TYW1: variants seen among roughly 807,000 people sequenced by gnomAD.
The protein encoded by TYW1 is tRNA-yW synthesizing protein 1 homolog.
Under a neutral mutation model 96.2 loss-of-function variants are expected in TYW1, and 46 were observed. That is an observed-to-expected ratio of 0.48 (90% confidence interval 0.38 to 0.61). TYW1 has a LOEUF of 0.61. TYW1 is among the 20% of genes least tolerant of loss of function. The pLI, the probability that TYW1 is intolerant of heterozygous loss-of-function variation, is 0.00. For synonymous variants in TYW1, 274 were observed against 323.0 expected (o/e 0.85, Z 1.63); for missense variants, 684 against 909.6 (o/e 0.75, Z 3.19).
At chr7:67,170,389 C>A (rs1799480253) in intron 13 of TYW1, among the ~76,000 whole-genome samples, 1 of 152,100 alleles carries the variant, frequency 6.6e-6, no homozygotes, top group Non-Finnish European at 1.5e-5. Context: ...TCTTCTTTTT[C>A]AAATTATTTT....
At chr7:66,999,018 G>C in intron 3 of TYW1, 64 bp downstream of exon 3, 1 of 1,567,984 alleles carries the variant, frequency 6.4e-7, no homozygotes, top group South Asian at 1.1e-5. Context: ...CCCTTTAGCA[G>C]TGAACTTTAG....
At chr7:67,184,703 G>T (rs1246782107) in intron 14 of TYW1, among the ~76,000 whole-genome samples, 1 of 141,920 alleles carries the variant, frequency 7.0e-6, no homozygotes, top group East Asian at 2.0e-4. Flanking sequence ...GTTATGTTAT[G>T]TTATGTTATG....
intron 11 of TYW1, among the ~76,000 whole-genome samples, chr7:67,092,660 G>A (rs889258926): frequency 6.3e-5 from 9 of 142,976 alleles, no homozygotes; most frequent in African/African-American, 1.0e-4. Flanking sequence ...TCTTTTCCAC[G>A]TGCCTATCAC....
intron 9 of TYW1, among the ~76,000 whole-genome samples, chr7:67,058,780 A>G (rs1795608254): frequency 6.6e-6 from 1 of 151,966 alleles, no homozygotes; most frequent in Admixed American, 6.6e-5. Flanking sequence ...CTGGCCCCAT[A>G]TGTAGTTTTA....
chr7:67,107,831 G>T (rs1584569707), intron 12 of TYW1, among the ~76,000 whole-genome samples: 1 of 149,700 alleles, frequency 6.7e-6, no homozygotes. Flanking sequence ...CTCCAAAAGT[G>T]CTGGGATTAC....
Position 67,014,434 on chromosome 7 carries a change from C to T in TYW1, c.443C>T (p.Ala148Val). ...ACTGACGGCCTACCAACTGAAAGTG[C>T]AGAGTGGTTCTGCAAATGGTTAGAG... ...TYTDGLPTES[A>V]EWFCKWLEEA... is the part of the protein sequence containing the mutation. The change falls in exon 5 of 16, where the codon GCA becomes GTA. Residue 148 changes from alanine to valine, a missense_variant. Ala to Val is a moderately conservative substitution (Grantham distance 64, BLOSUM62 0). Transcript: ENST00000359626. 1.2e-6 allele frequency: 2 copies of T among 1,613,932 alleles called. No individual in the cohort carries two copies. The highest frequency in any genetic ancestry group is 1.7e-6 in the Non-Finnish European group (2 of 1,179,876).
chr7:67,169,504 G>A (rs967127185), intron 13 of TYW1, among the ~76,000 whole-genome samples: 4 of 152,084 alleles, frequency 2.6e-5, no homozygotes, highest in African/African-American at 9.7e-5. Context: ...GGGTTCAAGT[G>A]ATTCTCCTGC....
At chr7:67,050,438 A>T (rs1309584969) in intron 8 of TYW1, among the ~76,000 whole-genome samples, 1 of 152,188 alleles carries the variant, frequency 6.6e-6, no homozygotes, top group Non-Finnish European at 1.5e-5. Context: ...TAAGGAGGTT[A>T]TAGTTGCATG....
intron 15 of TYW1, among the ~76,000 whole-genome samples, chr7:67,202,479 C>T (rs1479763442): frequency 1.3e-5 from 2 of 152,134 alleles, no homozygotes; most frequent in East Asian, 3.9e-4. Flanking sequence ...TCATTGCAAC[C>T]TCAACCTCCC....
intron 6 of TYW1, among the ~76,000 whole-genome samples, chr7:67,021,269 T>A (rs1304871847): frequency 6.6e-6 from 1 of 152,264 alleles, no homozygotes; most frequent in Non-Finnish European, 1.5e-5. Flanking sequence ...CGCTTCTCAT[T>A]CTCTCTTTCC....
At chr7:67,179,846 AATAT>A (rs748335778) in intron 13 of TYW1, among the ~76,000 whole-genome samples, 4 of 116,102 alleles carry the variant, frequency 3.4e-5, no homozygotes, top group African/African-American at 3.6e-5. Flanking sequence ...AATCATTAGG[AATAT>A]ATATATATAT....
chr7:67,230,870 C>T (rs1801732929), intron 15 of TYW1, among the ~76,000 whole-genome samples: 1 of 151,870 alleles, frequency 6.6e-6, no homozygotes, highest in Admixed American at 6.6e-5. Context: ...GAACTCCTGA[C>T]CTCAAATGAT....
chr7:67,080,940 G>GTTTTTTTTTTTTTTTTTT (rs71049495), intron 10 of TYW1, among the ~76,000 whole-genome samples: 4 of 37,252 alleles, frequency 1.1e-4, no homozygotes, highest in Admixed American at 3.7e-4. Flanking sequence ...CTTTCTTACT[G>GTTTTTTTTTTTTTTTTTT]TTTTTTTTTT....
intron 15 of TYW1, among the ~76,000 whole-genome samples, chr7:67,222,866 C>CTTT (rs570972265): frequency 1.3e-4 from 14 of 109,606 alleles, no homozygotes; most frequent in African/African-American, 2.2e-4. Context: ...CGCTTTTTTT[C>CTTT]TTTTTTTTTT....
intron 13 of TYW1, among the ~76,000 whole-genome samples, chr7:67,180,650 T>C (rs1799811660): frequency 6.6e-6 from 1 of 151,622 alleles, no homozygotes. Context: ...TATTTATTTA[T>C]TTATTTATTT....
intron 15 of TYW1, among the ~76,000 whole-genome samples, chr7:67,236,437 C>G (rs1801893589): frequency 6.6e-6 from 1 of 152,124 alleles, no homozygotes; most frequent in African/African-American, 2.4e-5. Flanking sequence ...GAAGTGCTGC[C>G]CAGGGAGAAT....
chr7:67,019,276 C>T (rs1794145994), intron 6 of TYW1, among the ~76,000 whole-genome samples: 2 of 152,256 alleles, frequency 1.3e-5, no homozygotes, highest in African/African-American at 4.8e-5. Context: ...TACTCATTTC[C>T]TCCCCAACCC....
At chr7:67,204,492 C>CTTCCTTCTTCTCTTTTTTTATT in intron 15 of TYW1, among the ~76,000 whole-genome samples, 1 of 151,246 alleles carries the variant, frequency 6.6e-6, no homozygotes, top group Non-Finnish European at 1.5e-5. Context: ...TCCTCCCTCC[C>CTTCCTTCTTCTCTTTTTTTATT]TTCCTTCTTC....
intron 9 of TYW1, among the ~76,000 whole-genome samples, chr7:67,066,891 C>T (rs548000649): frequency 1.3e-5 from 2 of 152,290 alleles, no homozygotes; most frequent in East Asian, 1.9e-4. Context: ...ATTCCCTTAC[C>T]CATCCTTCTT....
Sources: allele counts gnomAD v4.1 joint callset (sites outside exome capture counted in the v4.1 genomes callset), GRCh38; gene constraint gnomAD v4.1.1; transcripts MANE v1.5; gene names NCBI Gene and HGNC (gene_info 2026-07-23, HGNC 2026-07-21).